Variants in ZSWIM6 observed in about 807,000 individuals in gnomAD.
ZSWIM6 encodes the protein zinc finger SWIM-type containing 6.
A neutral mutation model predicts 113.2 loss-of-function variants in ZSWIM6; 9 were observed. That is an observed-to-expected ratio of 0.08 (90% CI 0.05 to 0.14). The LOEUF (loss-of-function observed/expected upper bound fraction) is 0.14. Ranked by LOEUF, ZSWIM6 falls within the 10% of genes least tolerant of loss-of-function variation. The pLI is 1.00. For missense variants in ZSWIM6, 1,162 were observed against 1,552.2 expected, an observed-to-expected ratio of 0.75 and a Z score of 4.22; for synonymous variants, 611 against 606.5, an observed-to-expected ratio of 1.01 and a Z score of -0.11.
chr5:61,442,760 A>G (rs901983994), intron 1 of ZSWIM6, among the ~76,000 whole-genome samples: 6 of 152,224 alleles, frequency 3.9e-5, no homozygotes, highest in Non-Finnish European at 8.8e-5. Context: ...AAACAACCAC[A>G]TTACAGTGAA....
At chr5:61,387,384 C>T (rs1745612122) in intron 1 of ZSWIM6, among the ~76,000 whole-genome samples, 1 of 152,190 alleles carries the variant, frequency 6.6e-6, no homozygotes, top group Non-Finnish European at 1.5e-5. Context: ...AGAAAAAGGG[C>T]CATGTGTGAT....
At chr5:61,540,256 G>C (rs1749692743) in intron 12 of ZSWIM6, among the ~76,000 whole-genome samples, 1 of 152,290 alleles carries the variant, frequency 6.6e-6, no homozygotes, top group African/African-American at 2.4e-5. Context: ...TCCAGTTTTA[G>C]ATTTCAGCAG....
chr5:61,333,394 C>A (rs902531135), intron 1 of ZSWIM6, among the ~76,000 whole-genome samples: 1 of 151,830 alleles, frequency 6.6e-6, no homozygotes, highest in Non-Finnish European at 1.5e-5. Context: ...GCGGCCCGGC[C>A]GCTCGGCGCT....
intron 8 of ZSWIM6, among the ~76,000 whole-genome samples, chr5:61,530,569 G>A (rs552158195): frequency 6.6e-6 from 1 of 152,264 alleles, no homozygotes; most frequent in East Asian, 1.9e-4. Flanking sequence ...TTTCAAATTT[G>A]TCTTTGCATT....
At chr5:61,349,936 CAA>C (rs1744745902) in intron 1 of ZSWIM6, among the ~76,000 whole-genome samples, 1 of 152,164 alleles carries the variant, frequency 6.6e-6, no homozygotes, top group African/African-American at 2.4e-5. Flanking sequence ...GAATATCCCA[CAA>C]GATCTTACAC....
chr5:61,462,467 T>A lies in ZSWIM6; in HGVS notation c.677-10214T>A, dbSNP rs570378703. 3.9e-5 allele frequency among the ~76,000 whole-genome samples: 6 copies of A among 152,334 alleles called. No individual in the cohort carries two copies. In the South Asian group the frequency reaches 1.2e-3, roughly 32 times the overall value. ...AATTACATTTTTAAAATGTGCTATG[T>A]AAAATTGGAACAACAGAAAAAAATG... is the stretch of plus-strand genomic sequence containing the variant. On this transcript the variant is annotated intron_variant, in intron 1 of 13. Coordinates refer to ENST00000252744, the MANE Select transcript of ZSWIM6 (RefSeq NM_020928.2).
chr5:61,448,573 A>G (rs914043805), intron 1 of ZSWIM6, among the ~76,000 whole-genome samples: 15 of 152,200 alleles, frequency 9.9e-5, no homozygotes, highest in South Asian at 2.1e-4. Flanking sequence ...GATAATGTAT[A>G]TAAATATATA....
Position 61,332,347 on chromosome 5 carries a change from G to GGGGGCAGC in ZSWIM6, c.77_78insGGCAGCGG (p.Ser27AlafsTer86). The GGGGGCAGC allele has an allele frequency of 1.0e-6, 1 of 966,692 alleles. No homozygotes were observed. The highest frequency in any genetic ancestry group is 1.8e-5 in the African/African-American group (1 of 56,132). The allele number at this position is 966,692 out of a possible 1,614,324, so 59.9% of individuals were successfully genotyped here. A position where few individuals can be genotyped will look rare whatever the true frequency, so the allele number is the denominator to read the frequency against. On this transcript the variant is annotated frameshift_variant, in exon 1 of 14. Coordinates refer to ENST00000252744, the MANE Select transcript of ZSWIM6 (RefSeq NM_020928.2). LOFTEE classifies it high-confidence loss of function. ...GGCCGGGCGGCGGCGGCGGCGGCGG[G>GGGGGCAGC]GGCAGCAGCGGCGGCGGCGGCGGCG...
At chr5:61,392,945 C>T (rs1745753801) in intron 1 of ZSWIM6, among the ~76,000 whole-genome samples, 2 of 152,022 alleles carry the variant, frequency 1.3e-5, no homozygotes, top group African/African-American at 4.8e-5. Flanking sequence ...AATACTTTGG[C>T]TGTTTTCTCC....
intron 1 of ZSWIM6, among the ~76,000 whole-genome samples, chr5:61,414,324 G>A (rs1222016027): frequency 6.6e-6 from 1 of 152,144 alleles, no homozygotes; most frequent in Non-Finnish European, 1.5e-5. Context: ...AAGCCAAGGT[G>A]ATTTTGAGGT....
intron 5 of ZSWIM6, among the ~76,000 whole-genome samples, chr5:61,522,244 A>G (rs962617498): frequency 1.3e-5 from 2 of 152,116 alleles, no homozygotes; most frequent in Admixed American, 6.6e-5. Flanking sequence ...TTTCAAAATG[A>G]AATTCTTAAG....
At chr5:61,445,996 A>G (rs575213879) in intron 1 of ZSWIM6, among the ~76,000 whole-genome samples, 1 of 152,328 alleles carries the variant, frequency 6.6e-6, no homozygotes, top group African/African-American at 2.4e-5. Flanking sequence ...TAGTGCTAGT[A>G]CTATCTATGC....
intron 1 of ZSWIM6, among the ~76,000 whole-genome samples, chr5:61,408,817 T>C (rs993492774): frequency 4.6e-5 from 7 of 152,178 alleles, no homozygotes; most frequent in African/African-American, 1.4e-4. Context: ...CTGAACTGTT[T>C]AGGAATGCGG....
intron 1 of ZSWIM6, among the ~76,000 whole-genome samples, chr5:61,424,076 A>G (rs913667669): frequency 6.6e-6 from 1 of 152,252 alleles, no homozygotes; most frequent in Non-Finnish European, 1.5e-5. Context: ...TCAAAAGTAC[A>G]GTTCTCAAAG....
chr5:61,539,280 A>G (rs543255635), intron 11 of ZSWIM6, among the ~76,000 whole-genome samples: 2 of 152,314 alleles, frequency 1.3e-5, no homozygotes, highest in South Asian at 2.1e-4. Context: ...CCAAAAATAC[A>G]TAAGTAGGAA....
intron 2 of ZSWIM6, among the ~76,000 whole-genome samples, chr5:61,486,955 T>G (rs1292669000): frequency 3.3e-5 from 5 of 152,108 alleles, no homozygotes; most frequent in Non-Finnish European, 7.4e-5. Flanking sequence ...ATTTCTCTAT[T>G]TTTGTTTCTG....
At chr5:61,341,413 G>A (rs1744541715) in intron 1 of ZSWIM6, among the ~76,000 whole-genome samples, 1 of 152,164 alleles carries the variant, frequency 6.6e-6, no homozygotes, top group African/African-American at 2.4e-5. Flanking sequence ...AATATTAGAA[G>A]TGTTGTGGTC....
At chr5:61,436,710 G>A (rs1746715338) in intron 1 of ZSWIM6, among the ~76,000 whole-genome samples, 1 of 152,174 alleles carries the variant, frequency 6.6e-6, no homozygotes, top group Admixed American at 6.5e-5. Context: ...TAGTGGAAAG[G>A]TAAATGTTAA....
chr5:61,438,514 A>G (rs1238988051), intron 1 of ZSWIM6, among the ~76,000 whole-genome samples: 3 of 152,222 alleles, frequency 2.0e-5, no homozygotes, highest in African/African-American at 7.2e-5. Flanking sequence ...TCTGTTACAG[A>G]CAACACCAGG....
Sources: gnomAD v4.1 joint callset for allele counts (sites outside exome capture counted in the v4.1 genomes callset) on GRCh38, gnomAD v4.1.1 for gene constraint, MANE v1.5 for transcripts, NCBI Gene and HGNC (gene_info 2026-07-23, HGNC 2026-07-21) for gene names.